The following ATXN7 variants were observed in gnomAD, a reference collection of about 807,000 sequenced individuals.
The protein encoded by ATXN7 is ataxin-7.
In ATXN7, 12 loss-of-function variants were observed where a neutral mutation model predicts 70.5. The ratio of observed to expected loss-of-function variants is 0.17; its 90% CI spans 0.11 to 0.28. The LOEUF is 0.28. Ranked by LOEUF, ATXN7 falls within the 10% of genes least tolerant of loss-of-function variation. The pLI, the probability that ATXN7 is intolerant of heterozygous loss-of-function variation, is 1.00. For synonymous variants in ATXN7, 498 were observed against 448.7 expected, an observed-to-expected ratio of 1.11 and a Z score of -1.39; for missense variants, 1,256 against 1,131.7, an observed-to-expected ratio of 1.11 and a Z score of -1.58.
chr3:63,874,786 G>GTAGT (rs1385510185), intron 1 of ATXN7, among the ~76,000 whole-genome samples: 1 of 152,182 alleles, frequency 6.6e-6, no homozygotes, highest in East Asian at 1.9e-4. Context: ...TTCCCTAATT[G>GTAGT]TAGTGACGTT....
intron 11 of ATXN7, among the ~76,000 whole-genome samples, chr3:63,992,427 C>T: frequency 6.6e-6 from 1 of 152,112 alleles, no homozygotes; most frequent in East Asian, 1.9e-4. Flanking sequence ...TACATGAAAT[C>T]TCAACTTCAT....
At chr3:63,939,513 C>T (rs2107359017) in intron 4 of ATXN7, among the ~76,000 whole-genome samples, 1 of 152,240 alleles carries the variant, frequency 6.6e-6, no homozygotes, top group South Asian at 2.1e-4. Context: ...TTCTATTAAG[C>T]ACTAACGAAT....
intron 1 of ATXN7, among the ~76,000 whole-genome samples, 178 bp from the exon 2 acceptor site, chr3:63,898,221 T>TAAA (rs11292430): frequency 1.3e-5 from 2 of 148,494 alleles, no homozygotes; most frequent in Non-Finnish European, 3.0e-5. Context: ...AAGTTCATTG[T>TAAA]AAAAAAAAAA....
intron 5 of ATXN7, among the ~76,000 whole-genome samples, chr3:63,966,532 C>G (rs751127366): frequency 3.3e-5 from 5 of 152,064 alleles, no homozygotes; most frequent in Non-Finnish European, 5.9e-5. Context: ...CTAAGGGCTT[C>G]CATAGTTTTG....
chr3:63,866,176 G>C (rs1702420793), intron 1 of ATXN7, among the ~76,000 whole-genome samples: 1 of 152,074 alleles, frequency 6.6e-6, no homozygotes, highest in Non-Finnish European at 1.5e-5. Flanking sequence ...AAATTTTCTG[G>C]AGTAATAAGA....
chr3:63,998,076 A>G, intron 12 of ATXN7: 1 of 985,252 alleles, frequency 1.0e-6, no homozygotes, highest in Non-Finnish European at 1.2e-6. Context: ...GAGAGACATG[A>G]TCCCCACGGA....
intron 5 of ATXN7, among the ~76,000 whole-genome samples, chr3:63,971,685 A>AT (rs1187706162): frequency 3.9e-5 from 6 of 152,266 alleles, no homozygotes; most frequent in Non-Finnish European, 7.4e-5. Flanking sequence ...ATATATATAT[A>AT]AAAAACTCCT....
upstream of ATXN7, chr3:63,863,797 CGCG>C (rs546741642): frequency 0.011 from 14,034 of 1,238,366 alleles, 79 homozygotes; most frequent in Non-Finnish European, 0.013. Context: ...CCATGGCGTG[CGCG>C]GCGGCGGCGG....
At chr3:63,915,373 C>T (rs1404170525) in intron 4 of ATXN7, among the ~76,000 whole-genome samples, 1 of 152,188 alleles carries the variant, frequency 6.6e-6, no homozygotes, top group Non-Finnish European at 1.5e-5. Flanking sequence ...GTCAGTTCTT[C>T]ATTTGTTTGT....
Position 63,990,836 on chromosome 3 carries a change from G to A in ATXN7, c.1659G>A (p.Lys553=), listed in dbSNP as rs180704942. The A allele has an allele frequency of 2.9e-4, 467 of 1,614,254 alleles. 2 individuals are homozygous for A. The African/African-American group carries it at 5.4e-3, about 19-fold the overall frequency. ...LRCALNLMVE[K]HLNAQLWKKI... Reference sequence around the variant, plus strand: ...GCGCCCTCAACCTCATGGTGGAGAAGCATCTGAATGCACAGCTATGGAAGT... The same window carrying A: ...GCGCCCTCAACCTCATGGTGGAGAAACATCTGAATGCACAGCTATGGAAGT... The change falls in exon 11 of 13, where the codon AAG becomes AAA. Residue 553 remains lysine (K), a synonymous_variant. Transcript: ENST00000674280.
At chr3:63,906,212 C>T (rs1401161512) in intron 2 of ATXN7, among the ~76,000 whole-genome samples, 1 of 152,184 alleles carries the variant, frequency 6.6e-6, no homozygotes, top group Non-Finnish European at 1.5e-5. Flanking sequence ...AGAAGCAGTA[C>T]AAACCCAGGT....
At chr3:63,993,655 C>G (rs1405452588) in intron 11 of ATXN7, among the ~76,000 whole-genome samples, 2 of 152,186 alleles carry the variant, frequency 1.3e-5, no homozygotes, top group African/African-American at 4.8e-5. Flanking sequence ...GAGTAATTAA[C>G]TACTTAAAAG....
At chr3:63,962,417 T>G (rs1352568291) in intron 5 of ATXN7, among the ~76,000 whole-genome samples, 1 of 151,946 alleles carries the variant, frequency 6.6e-6, no homozygotes, top group Admixed American at 6.6e-5. Context: ...TCTGTTTTGT[T>G]TTTTTGAGAC....
chr3:63,968,089 T>G, intron 5 of ATXN7: 1 of 849,932 alleles, frequency 1.2e-6, no homozygotes. Flanking sequence ...CCAAGCAGAT[T>G]TGGGAAGAGT....
intron 11 of ATXN7, among the ~76,000 whole-genome samples, chr3:63,992,667 GACTCTGCTGTCT>G: frequency 6.6e-6 from 1 of 152,262 alleles, no homozygotes; most frequent in Middle Eastern, 3.4e-3. Flanking sequence ...TCATAAGGTC[GACTCTGCTGTCT>G]ACTCTGTTCT....
At chr3:63,996,593 A>T in intron 12 of ATXN7, 110 bp downstream of exon 12, 2 of 844,982 alleles carry the variant, frequency 2.4e-6, no homozygotes, top group East Asian at 3.0e-5. Flanking sequence ...TTGTAAACAG[A>T]TATTCAGCTT....
chr3:63,945,587 C>A (rs911442416), intron 4 of ATXN7, among the ~76,000 whole-genome samples: 1 of 152,200 alleles, frequency 6.6e-6, no homozygotes, highest in Non-Finnish European at 1.5e-5. Context: ...CTTAATCTTT[C>A]AATTATTATT....
At chr3:63,868,010 G>A (rs190538611) in intron 1 of ATXN7, among the ~76,000 whole-genome samples, 2 of 152,312 alleles carry the variant, frequency 1.3e-5, no homozygotes, top group East Asian at 1.9e-4. Flanking sequence ...CTGGTCTGAC[G>A]TGCTAGTCCT....
At chr3:63,917,804 A>G (rs111570042) in intron 4 of ATXN7, among the ~76,000 whole-genome samples, 81 of 152,216 alleles carry the variant, frequency 5.3e-4, no homozygotes, top group African/African-American at 1.9e-3. Flanking sequence ...AGGAAGATTG[A>G]ATTGAGTCAC....
Sources: allele counts gnomAD v4.1 joint callset (sites outside exome capture counted in the v4.1 genomes callset), GRCh38; gene constraint gnomAD v4.1.1; transcripts MANE v1.5; gene names NCBI Gene and HGNC (gene_info 2026-07-23, HGNC 2026-07-21).